RICTOR: variants seen among roughly 807,000 people sequenced by gnomAD.
RICTOR encodes the protein rapamycin-insensitive companion of mTOR.
A neutral mutation model predicts 214.9 loss-of-function variants in RICTOR; 49 were observed. The ratio of observed to expected loss-of-function variants is 0.23; its 90% confidence interval spans 0.18 to 0.29. The LOEUF (loss-of-function observed/expected upper bound fraction) is 0.29. Ranked by LOEUF, RICTOR falls within the 10% of genes least tolerant of loss-of-function variation. RICTOR has a pLI of 1.00. For synonymous variants in RICTOR, 717 were observed against 711.3 expected, an observed-to-expected ratio of 1.01 and a Z score of -0.13; for missense variants, 1,625 against 2,047.0, an observed-to-expected ratio of 0.79 and a Z score of 3.98.
At chr5:38,990,894 T>C in intron 7 of RICTOR, 55 bp downstream of exon 7, 1 of 1,132,698 alleles carries the variant, frequency 8.8e-7, no homozygotes, top group East Asian at 2.6e-5. Context: ...ATATCTCAAA[T>C]GTTATATATC....
chr5:39,008,264 T>C, intron 3 of RICTOR, among the ~76,000 whole-genome samples: 1 of 152,128 alleles, frequency 6.6e-6, no homozygotes, highest in East Asian at 1.9e-4. Context: ...GTGTATTTTA[T>C]AAATGTTCAC....
At chr5:39,052,179 G>A in intron 2 of RICTOR, among the ~76,000 whole-genome samples, 1 of 152,094 alleles carries the variant, frequency 6.6e-6, no homozygotes, top group African/African-American at 2.4e-5. Flanking sequence ...TTCAAGATCA[G>A]CCTGGCTAAC....
chr5:39,003,858 CTA>C (rs1753828389), intron 3 of RICTOR, among the ~76,000 whole-genome samples: 1 of 151,872 alleles, frequency 6.6e-6, no homozygotes, highest in Admixed American at 6.6e-5. Context: ...CATTTGTTTT[CTA>C]TTATTCCATT....
intron 3 of RICTOR, among the ~76,000 whole-genome samples, chr5:39,005,144 T>G (rs1377660137): frequency 6.6e-6 from 1 of 152,182 alleles, no homozygotes; most frequent in Non-Finnish European, 1.5e-5. Flanking sequence ...CTTATTACAA[T>G]GTTTCTAGGT....
intron 7 of RICTOR, among the ~76,000 whole-genome samples, chr5:38,988,120 A>G (rs1039667289): frequency 5.3e-5 from 8 of 152,114 alleles, no homozygotes; most frequent in Non-Finnish European, 1.0e-4. Flanking sequence ...TTTTACTTCC[A>G]AGTATGTGGT....
intron 2 of RICTOR, among the ~76,000 whole-genome samples, chr5:39,029,886 C>T (rs1216887497): frequency 2.0e-5 from 3 of 152,150 alleles, no homozygotes. Flanking sequence ...CCAATTTTCA[C>T]AGAGTAATCA....
At chr5:39,072,160 T>C (rs1204382687) in intron 2 of RICTOR, among the ~76,000 whole-genome samples, 3 of 152,226 alleles carry the variant, frequency 2.0e-5, no homozygotes, top group African/African-American at 7.2e-5. Flanking sequence ...TGGCTGTGTA[T>C]ACTTTATTCC....
chr5:38,943,056 G>A, intron 36 of RICTOR, 85 bp from the exon 37 acceptor site: 2 of 955,304 alleles, frequency 2.1e-6, no homozygotes, highest in Non-Finnish European at 3.2e-6. Context: ...TTTAAAAATA[G>A]ATTTCCCTAC....
chr5:38,955,482 C>G, intron 26 of RICTOR, 113 bp downstream of exon 26: 1 of 661,150 alleles, frequency 1.5e-6, no homozygotes, highest in Non-Finnish European at 2.7e-6. Context: ...GCAATTAATG[C>G]TGCGCATTAA....
chr5:39,036,315 A>C, intron 2 of RICTOR, among the ~76,000 whole-genome samples: 1 of 152,358 alleles, frequency 6.6e-6, no homozygotes, highest in Admixed American at 6.5e-5. Context: ...TCCTGAAGGA[A>C]GCACTAAACA....
rs778602067 is a variant in RICTOR, at chr5:38,946,453, T to G, written c.4399+15A>C. On this transcript the variant is annotated intron_variant, in intron 33 of 37. Coordinates refer to ENST00000357387, the MANE Select transcript of RICTOR (RefSeq NM_152756.5). ...ATAAAGAGGCATCTCACAAGTACAA[T>G]GCACAATGCATTACCTCCTGCATCA... 1 of 1,530,458 alleles carries G rather than the reference T, an allele frequency of 6.5e-7. No homozygotes were observed. Among genetic ancestry groups the G allele is most frequent in the Non-Finnish European group, 9.1e-7 (1 of 1,103,972 alleles). 94.8% of individuals were successfully genotyped at this position (1,530,458 alleles called of 1,614,324 possible).
At chr5:39,032,920 T>C (rs1424046191) in intron 2 of RICTOR, among the ~76,000 whole-genome samples, 1 of 152,186 alleles carries the variant, frequency 6.6e-6, no homozygotes, top group African/African-American at 2.4e-5. Context: ...GAAGTCTAGC[T>C]CAGACTAGAT....
At chr5:39,034,766 G>A (rs1003521299) in intron 2 of RICTOR, among the ~76,000 whole-genome samples, 142 of 152,248 alleles carry the variant, frequency 9.3e-4, no homozygotes, top group Non-Finnish European at 1.7e-3. Flanking sequence ...CGAGGCTGGG[G>A]GAGGGGCGCC....
At chr5:39,012,177 T>A (rs868232563) in intron 3 of RICTOR, among the ~76,000 whole-genome samples, 8 of 152,202 alleles carry the variant, frequency 5.3e-5, no homozygotes, top group Non-Finnish European at 7.3e-5. Flanking sequence ...CTGAGAGAAC[T>A]CACTCACTAT....
intron 7 of RICTOR, among the ~76,000 whole-genome samples, chr5:38,984,583 G>T (rs1238986266): frequency 6.6e-6 from 1 of 151,968 alleles, no homozygotes; most frequent in African/African-American, 2.4e-5. Context: ...CCTAATCACA[G>T]TTCTGACTCT....
At chr5:39,055,427 C>CT (rs1554012759) in intron 2 of RICTOR, among the ~76,000 whole-genome samples, 1 of 128,688 alleles carries the variant, frequency 7.8e-6, no homozygotes, top group Non-Finnish European at 1.6e-5. Context: ...TCCCCCCCCC[C>CT]ACTCTTTTTC....
chr5:39,008,535 A>G (rs968774018), intron 3 of RICTOR, among the ~76,000 whole-genome samples: 8 of 152,076 alleles, frequency 5.3e-5, no homozygotes, highest in African/African-American at 1.9e-4. Context: ...TATTGAAATT[A>G]TTTACACAGG....
chr5:38,941,170 G>A lies in RICTOR; in HGVS notation c.*1134C>T, dbSNP rs1747526212. ...CCTCATCAACTTAACTTCACAAATG[G>A]ATAAAGGCAATTAATATACTCATAA... On this transcript the variant is annotated 3_prime_UTR_variant, in exon 38 of 38. Transcript: ENST00000357387. The A allele has an allele frequency of 4.3e-6, 1 of 232,622 alleles. No individual in the cohort carries two copies. The highest frequency in any genetic ancestry group is 2.2e-5 in the African/African-American group (1 of 45,258). The allele number at this position is 232,622 out of a possible 1,614,324, so 14.4% of individuals were successfully genotyped here.
intron 9 of RICTOR, among the ~76,000 whole-genome samples, chr5:38,975,866 CT>C (rs1351273230): frequency 1.3e-5 from 2 of 152,148 alleles, no homozygotes; most frequent in Non-Finnish European, 2.9e-5. Flanking sequence ...GAAAACTATT[CT>C]TAGATAAGAT....
Sources: allele counts gnomAD v4.1 joint callset (sites outside exome capture counted in the v4.1 genomes callset), GRCh38; gene constraint gnomAD v4.1.1; transcripts MANE v1.5; gene names NCBI Gene and HGNC (gene_info 2026-07-23, HGNC 2026-07-21).